The following SLC45A1 variants were observed in gnomAD, a reference collection of about 807,000 sequenced individuals.
SLC45A1 encodes solute carrier family 45 member 1.
In SLC45A1, 28 loss-of-function variants were observed where a neutral mutation model predicts 57.6. The ratio of observed to expected loss-of-function variants is 0.49; its 90% CI spans 0.36 to 0.67. The LOEUF (loss-of-function observed/expected upper bound fraction) is 0.67, where lower values mean the gene tolerates loss of function less well. Among genes scored for constraint, SLC45A1 ranks in the 30% least tolerant of loss-of-function variants. The pLI, the probability that SLC45A1 is intolerant of heterozygous loss-of-function variation, is 0.00. For missense variants in SLC45A1, 814 were observed against 1,041.5 expected (o/e 0.78, Z 3.01); for synonymous variants, 459 against 471.5 (o/e 0.97, Z 0.34).
chr1:8,328,832 TC>T lies in SLC45A1; in HGVS notation c.716-1375del, dbSNP rs1227687606. 6.6e-6 allele frequency among the ~76,000 whole-genome samples: 1 copy of T among 152,094 alleles called. No individual in the cohort carries two copies. Among genetic ancestry groups the T allele is most frequent in the African/African-American group, 2.4e-5 (1 of 41,396 alleles). ...CCAGCCTGGGCAATAAGAGTGAAAC[TC>T]CGTCTCAAAGAAAAATAATAAATAA... is the stretch of plus-strand genomic sequence containing the variant. On this transcript the variant is annotated intron_variant, in intron 4 of 8. Coordinates refer to ENST00000471889, the MANE Select transcript of SLC45A1 (RefSeq NM_001080397.3). The surrounding 1 kb of genome is among the most constrained non-coding windows in gnomAD (Gnocchi z 4.6).
In SLC45A1 at chr1:8,327,517, A is replaced by G. The variant is rs902108975; in HGVS notation, c.715+1475A>G. ...CTTAGTTATCAATGTACTGTATAAA[A>G]ATCAATACTGGTTGGGTGCAGTGGC... On this transcript the variant is annotated intron_variant, in intron 4 of 8. Coordinates refer to ENST00000471889, the MANE Select transcript of SLC45A1 (RefSeq NM_001080397.3). The surrounding 1 kb of genome is among the most constrained non-coding windows in gnomAD (Gnocchi z 4.3). Among the ~76,000 whole-genome samples the G allele has an allele frequency of 6.6e-6, 1 of 152,174 alleles. No homozygotes were observed. The highest frequency in any genetic ancestry group is 2.4e-5 in the African/African-American group (1 of 41,422).
At chr1:8,337,554 G>A (rs7542106) in intron 6 of SLC45A1, among the ~76,000 whole-genome samples, 3,942 of 152,238 alleles carry the variant, frequency 0.026, 183 homozygotes, top group African/African-American at 0.09. Flanking sequence ...GAGTAGCTGG[G>A]ACTACAGGCA....
chr1:8,336,293 C>T (rs1220947338), intron 6 of SLC45A1, among the ~76,000 whole-genome samples: 2 of 151,994 alleles, frequency 1.3e-5, no homozygotes, highest in East Asian at 3.9e-4. Flanking sequence ...GCCTGTAATC[C>T]CAGCTACTTG....
chr1:8,342,410 G>A (rs1056232256), intron 8 of SLC45A1, among the ~76,000 whole-genome samples: 5 of 152,072 alleles, frequency 3.3e-5, no homozygotes, highest in East Asian at 1.9e-4. Flanking sequence ...GAAGAAACCC[G>A]TCAGCCATCA....
chr1:8,324,284 TC>T, intron 1 of SLC45A1, 21 bp from the exon 2 acceptor site: 1 of 1,586,050 alleles, frequency 6.3e-7, no homozygotes, highest in Middle Eastern at 1.7e-4. Flanking sequence ...AACTGTGGCC[TC>T]CCCACGGGCT....
rs1450846727 is a variant in SLC45A1, at chr1:8,327,914, C to T, written c.715+1872C>T. On this transcript the variant is annotated intron_variant, in intron 4 of 8. Coordinates refer to ENST00000471889, the MANE Select transcript of SLC45A1 (RefSeq NM_001080397.3). The surrounding 1 kb of genome is among the most constrained non-coding windows in gnomAD (Gnocchi z 4.3). ...TGGCATGTGGTGCGCACCTGTAGTC[C>T]CAGCTACTCGGGAGGCTGAGGCAGG... 6.6e-6 allele frequency among the ~76,000 whole-genome samples: 1 copy of T among 152,028 alleles called. No individual in the cohort carries two copies. The highest frequency in any genetic ancestry group is 1.5e-5 in the Non-Finnish European group (1 of 67,988).
At chr1:8,318,641 C>T (rs958140409) in intron 1 of SLC45A1, among the ~76,000 whole-genome samples, 1 of 152,198 alleles carries the variant, frequency 6.6e-6, no homozygotes, top group African/African-American at 2.4e-5. Flanking sequence ...TCCCCTTTCC[C>T]GAGCGAGTCA....
chr1:8,341,924 T>C (rs1010731475), intron 8 of SLC45A1, among the ~76,000 whole-genome samples: 1 of 135,346 alleles, frequency 7.4e-6, no homozygotes, highest in Non-Finnish European at 1.6e-5. Context: ...AATAAATAAA[T>C]AGGCCGGGTG....
rs180790222 is a variant in SLC45A1, at chr1:8,340,993, C to T, written c.1980+1295C>T. ...GGATCACGAGGTCAGGAGATTGAGA[C>T]CATCCTGGCTAACACAGTGAAACCC... On this transcript the variant is annotated intron_variant, in intron 8 of 8. Coordinates refer to ENST00000471889, the MANE Select transcript of SLC45A1 (RefSeq NM_001080397.3). Among the ~76,000 whole-genome samples, 12 of 151,878 alleles carry T rather than the reference C, an allele frequency of 7.9e-5. No individual in the cohort carries two copies. The East Asian group carries it at 1.6e-3, about 20-fold the overall frequency.
In SLC45A1 at chr1:8,326,108, G is replaced by A; in HGVS notation, c.715+66G>A. 4 of 1,300,370 alleles carry A rather than the reference G, an allele frequency of 3.1e-6. No individual in the cohort carries two copies. Among genetic ancestry groups the A allele is most frequent in the Middle Eastern group, 2.5e-4 (1 of 4,012 alleles). 80.6% of individuals were successfully genotyped at this position (1,300,370 alleles called of 1,614,324 possible). ...TGCAGGCTTCAGACGTGTGGCTTTC[G>A]AGGCCCTTCCTCACTCCCTGATTTA... On this transcript the variant is annotated intron_variant, in intron 4 of 8. Coordinates refer to ENST00000471889, the MANE Select transcript of SLC45A1 (RefSeq NM_001080397.3). This position sits in a 1 kb window ranked among gnomAD's most constrained non-coding sequence, Gnocchi z 5.5.
chr1:8,339,772 C>T, intron 8 of SLC45A1, 74 bp downstream of exon 8: 1 of 1,353,276 alleles, frequency 7.4e-7, no homozygotes, highest in South Asian at 1.2e-5. Flanking sequence ...CCCCCAGGAC[C>T]AGCTGCACAA....
chr1:8,321,564 C>G (rs1022592543), intron 1 of SLC45A1, among the ~76,000 whole-genome samples: 1 of 152,122 alleles, frequency 6.6e-6, no homozygotes, highest in African/African-American at 2.4e-5. Context: ...TTACCTAACT[C>G]AAGGACAAGA....
In SLC45A1 at chr1:8,343,690, G is replaced by A. The variant is rs549016443; in HGVS notation, c.1981-57G>A. ...TGGGCTCGCAGGACACACCGAGCTC[G>A]GTCACCCCGTGCTGGCCGCGGCGTG... is the stretch of plus-strand genomic sequence containing the variant. On this transcript the variant is annotated intron_variant, in intron 8 of 8. Coordinates refer to ENST00000471889, the MANE Select transcript of SLC45A1 (RefSeq NM_001080397.3). The surrounding 1 kb of genome is among the most constrained non-coding windows in gnomAD (Gnocchi z 7.7). 1.3e-4 allele frequency: 197 copies of A among 1,559,694 alleles called. 2 individuals are homozygous for A. In the African/African-American group the frequency reaches 2.0e-3, roughly 16 times the overall value.
chr1:8,341,361 C>A (rs1410582474), intron 8 of SLC45A1, among the ~76,000 whole-genome samples: 72 of 149,476 alleles, frequency 4.8e-4, no homozygotes, highest in Non-Finnish European at 7.4e-5. Context: ...ATGGTGAAAC[C>A]CCATCTCTAC....
In SLC45A1 at chr1:8,337,916, T is replaced by C. The variant is rs1308720059; in HGVS notation, c.1698T>C (p.Tyr566=). 2.5e-6 allele frequency: 4 copies of C among 1,613,936 alleles called. 1 individual carries two copies. The South Asian group carries it at 4.4e-5, about 18-fold the overall frequency. The change falls in exon 7 of 9, where the codon TAT becomes TAC. Residue 566 remains tyrosine, a synonymous_variant. Transcript: ENST00000471889. ...AGGCCCCGCACACATCAGAGGCGTA[T>C]CAGAAGTACAACAGCGGCGTGACCA... ...DPKAPHTSEA[Y]QKYNSGVTMG... is the part of the protein sequence containing the mutation.
At chr1:8,321,657 A>G (rs1264814647) in intron 1 of SLC45A1, among the ~76,000 whole-genome samples, 1 of 152,006 alleles carries the variant, frequency 6.6e-6, no homozygotes, top group Non-Finnish European at 1.5e-5. Flanking sequence ...GAGTGGGTGG[A>G]TGAGTAAATG....
At chr1:8,337,695 G>A in intron 6 of SLC45A1, 121 bp from the exon 7 acceptor site, 4 of 912,302 alleles carry the variant, frequency 4.4e-6, no homozygotes, top group Non-Finnish European at 6.7e-6. Context: ...TGGGATTACA[G>A]GCGTGAGCCA....
intron 8 of SLC45A1, among the ~76,000 whole-genome samples, chr1:8,340,165 CTT>C (rs113004016): frequency 1.9e-4 from 27 of 141,740 alleles, no homozygotes; most frequent in Non-Finnish European, 1.5e-4. Context: ...TTCTTTCTTT[CTT>C]TTTTTTTTTT....
intron 7 of SLC45A1, among the ~76,000 whole-genome samples, chr1:8,338,279 C>T (rs1466623196): frequency 6.6e-6 from 1 of 152,126 alleles, no homozygotes; most frequent in Non-Finnish European, 1.5e-5. Flanking sequence ...GTGGGGGGCC[C>T]TGGGGGAACC....
Sources: allele counts gnomAD v4.1 joint callset (sites outside exome capture counted in the v4.1 genomes callset), GRCh38; gene constraint gnomAD v4.1.1; non-coding constraint Gnocchi (gnomAD v3.1); transcripts MANE v1.5; gene names NCBI Gene and HGNC (gene_info 2026-07-23, HGNC 2026-07-21).